ADRA1A: variants seen among roughly 807,000 people sequenced by gnomAD.
ADRA1A encodes the protein adrenoceptor alpha 1A.
ADRA1A carries 31 observed loss-of-function variants against 29.6 expected under a neutral mutation model. That is an observed-to-expected ratio of 1.05 (90% confidence interval 0.79 to 1.41). The LOEUF is 1.41. Ranked by LOEUF, ADRA1A falls within the 40% of genes most tolerant of loss-of-function variation. The pLI, the probability that ADRA1A is intolerant of heterozygous loss-of-function variation, is 0.00. For synonymous variants in ADRA1A, 311 were observed against 254.3 expected, an observed-to-expected ratio of 1.22 and a Z score of -2.12; for missense variants, 619 against 601.1, an observed-to-expected ratio of 1.03 and a Z score of -0.31.
At chr8:26,839,726 C>T (rs1297361288) in intron 2 of ADRA1A, among the ~76,000 whole-genome samples, 2 of 152,074 alleles carry the variant, frequency 1.3e-5, no homozygotes, top group African/African-American at 2.4e-5. Flanking sequence ...AGTAATTTGG[C>T]GGAAGGAGGC....
chr8:26,807,526 G>A (rs1809082459), intron 2 of ADRA1A, among the ~76,000 whole-genome samples: 1 of 152,122 alleles, frequency 6.6e-6, no homozygotes, highest in South Asian at 2.1e-4. Flanking sequence ...TGTTAATTTT[G>A]GTATCTGTCT....
At chr8:26,857,139 C>G (rs1813107802) in intron 2 of ADRA1A, among the ~76,000 whole-genome samples, 1 of 152,150 alleles carries the variant, frequency 6.6e-6, no homozygotes, top group Non-Finnish European at 1.5e-5. Flanking sequence ...TCAAAGGCCT[C>G]ACAGTTTCTG....
downstream of ADRA1A, among the ~76,000 whole-genome samples, chr8:26,766,453 CAG>C (rs1156942523): frequency 1.3e-5 from 2 of 152,192 alleles, no homozygotes; most frequent in Non-Finnish European, 2.9e-5. Flanking sequence ...AAATGTGATG[CAG>C]TCTGATAGAA....
At position 26,867,067 on chromosome 8, in the gene ADRA1A, C is replaced by T. The variant is rs764082150; in HGVS notation, c.-818G>A. The T allele has an allele frequency of 3.8e-4, 375 of 985,320 alleles. No individual in the cohort carries two copies. Among genetic ancestry groups the T allele is most frequent in the Non-Finnish European group, 4.4e-4 (364 of 829,974 alleles). The allele number at this position is 985,320 out of a possible 1,614,324, so 61.0% of individuals were successfully genotyped here. A position where few individuals can be genotyped will look rare whatever the true frequency, so the allele number is the denominator to read the frequency against. The stretch of plus-strand genomic sequence containing the variant: ...TGTCTCCGAGGCACCAAATCCTTGT[C>T]CTTTTGCACCCGCTGACTCACCCCT... On this transcript the variant is annotated 5_prime_UTR_variant, in exon 1 of 3. Transcript: ENST00000380573.
In ADRA1A at chr8:26,862,120, C is replaced by T. The variant is rs72609967; in HGVS notation, c.883+1967G>A. Among the ~76,000 whole-genome samples, 1,792 of 152,352 alleles carry T rather than the reference C, an allele frequency of 0.012. 84 individuals are homozygous for T. The East Asian group carries it at 0.15, about 12-fold the overall frequency. On this transcript the variant is annotated intron_variant, in intron 2 of 2. Transcript: ENST00000380573. ...CTTTGGTGTTGTCTATCTCTCCAAT[C>T]TCTTCTTGAACTTGACTGCCCCCTC... is the stretch of plus-strand genomic sequence containing the variant.
chr8:26,755,086 A>G (rs757193008), downstream of ADRA1A, among the ~76,000 whole-genome samples: 2 of 152,174 alleles, frequency 1.3e-5, no homozygotes, highest in Non-Finnish European at 2.9e-5. Context: ...ATTGCTTTGT[A>G]TATGATTTGC....
intron 2 of ADRA1A, among the ~76,000 whole-genome samples, chr8:26,833,270 C>T (rs936321754): frequency 2.6e-5 from 4 of 152,132 alleles, no homozygotes; most frequent in African/African-American, 7.2e-5. Flanking sequence ...CCCTTGACCT[C>T]GCCACATGGA....
Position 26,784,112 on chromosome 8 carries a change from C to A in ADRA1A, c.884-13446G>T, listed in dbSNP as rs191360408. Among the ~76,000 whole-genome samples, 320 of 152,312 alleles carry A rather than the reference C, an allele frequency of 2.1e-3. 1 individual carries two copies. Among genetic ancestry groups the A allele is most frequent in the African/African-American group, 7.3e-3 (305 of 41,568 alleles). The stretch of plus-strand genomic sequence containing the variant: ...GTGATGGGTTGATCTGTGCAGCAAA[C>A]CACCATGGCACAAGTTTACCTATGT... On this transcript the variant is annotated intron_variant, in intron 2 of 2. Coordinates refer to ENST00000380573, the MANE Select transcript of ADRA1A (RefSeq NM_000680.4).
intron 2 of ADRA1A, among the ~76,000 whole-genome samples, chr8:26,793,836 T>A (rs963633601): frequency 6.6e-6 from 1 of 152,036 alleles, no homozygotes; most frequent in Non-Finnish European, 1.5e-5. Context: ...ATCCAAATAA[T>A]TTATATTCAT....
rs1440485943 is a variant in ADRA1A, at chr8:26,864,986, G to C, written c.-17C>G. 7 of 1,577,686 alleles carry C rather than the reference G, an allele frequency of 4.4e-6. No homozygotes were observed. Among genetic ancestry groups the C allele is most frequent in the Non-Finnish European group, 6.0e-6 (7 of 1,165,878 alleles). On this transcript the variant is annotated 5_prime_UTR_variant, in exon 2 of 3. Transcript: ENST00000380573. This position sits in a 1 kb window ranked among gnomAD's most constrained non-coding sequence, Gnocchi z 8.1. Reference sequence around the variant, plus strand: ...AAACACCATGGTCCCAGCCGGGGCCGGGCGAGGTCCGGCTGTCCAGGGCCA... The same window carrying C: ...AAACACCATGGTCCCAGCCGGGGCCCGGCGAGGTCCGGCTGTCCAGGGCCA...
chr8:26,864,422 C>T lies in ADRA1A; in HGVS notation c.548G>A (p.Gly183Asp), dbSNP rs1403821912. Residue 183 changes from glycine (G) to aspartate (D), a missense_variant, in exon 2 of 3, where the codon GGC becomes GAC. Gly to Asp is a moderately conservative substitution (Grantham distance 94). Coordinates refer to ENST00000380573, the MANE Select transcript of ADRA1A (RefSeq NM_000680.4). This position sits in a 1 kb window ranked among gnomAD's most constrained non-coding sequence, Gnocchi z 8.1. ...ETICQINEEP[G>D]YVLFSALGSF... is the part of the protein sequence containing the mutation. ...GCCCAGCGCTGAGAAGAGCACGTAGCCCGGCTCCTCGTTGATCTGGCAGAT... is the reference window on the plus strand; with the variant it reads ...GCCCAGCGCTGAGAAGAGCACGTAGTCCGGCTCCTCGTTGATCTGGCAGAT... The T allele has an allele frequency of 6.2e-7, 1 of 1,613,484 alleles. No individual in the cohort carries two copies. The highest frequency in any genetic ancestry group is 8.5e-7 in the Non-Finnish European group (1 of 1,180,030).
chr8:26,832,599 C>T (rs759685395), intron 2 of ADRA1A, among the ~76,000 whole-genome samples: 3 of 151,932 alleles, frequency 2.0e-5, no homozygotes, highest in African/African-American at 4.8e-5. Context: ...AGGGGTTAGT[C>T]GCTCCCAACA....
intron 2 of ADRA1A, among the ~76,000 whole-genome samples, chr8:26,772,362 C>T (rs917739731): frequency 1.3e-5 from 2 of 152,182 alleles, no homozygotes; most frequent in Admixed American, 6.5e-5. Flanking sequence ...TCACTCCTTT[C>T]AGAGAAATTG....
Position 26,864,868 on chromosome 8 carries a change from C to G in ADRA1A, c.102G>C (p.Gly34=). Residue 34 remains glycine, a synonymous_variant, in exon 2 of 3, where the codon GGG becomes GGC. Transcript: ENST00000380573. The surrounding 1 kb of genome is among the most constrained non-coding windows in gnomAD (Gnocchi z 8.1). The part of the protein sequence containing the change: ...SKAILLGVIL[G]GLILFGVLGN... ...CCAGCACCCCGAAAAGAATGAGGCC[C>G]CCCAAGATCACCCCGAGCAGAATGG... 2 of 1,614,044 alleles carry G rather than the reference C, an allele frequency of 1.2e-6. No homozygotes were observed. The highest frequency in any genetic ancestry group is 1.7e-6 in the Non-Finnish European group (2 of 1,180,018).
rs888650820 is a variant in ADRA1A at position 26,775,517 on chromosome 8, A to G, written c.884-4851T>C. Among the ~76,000 whole-genome samples, 5 of 152,070 alleles carry G rather than the reference A, an allele frequency of 3.3e-5. No individual in the cohort carries two copies. Among genetic ancestry groups the G allele is most frequent in the African/African-American group, 1.2e-4 (5 of 41,410 alleles). ...CACCCACATGAGAATAGGGGCTCCT[A>G]CTTCTTTGGTCACCGTAGCTATGGT... On this transcript the variant is annotated intron_variant, in intron 2 of 2. Coordinates refer to ENST00000380573, the MANE Select transcript of ADRA1A (RefSeq NM_000680.4). This position sits in a 1 kb window ranked among gnomAD's most constrained non-coding sequence, Gnocchi z 4.1.
In ADRA1A at chr8:26,864,477, A is replaced by C. The variant is rs1813730823; in HGVS notation, c.493T>G (p.Trp165Gly). Residue 165 changes from tryptophan to glycine, a missense_variant, in exon 2 of 3, where the codon TGG becomes GGG. Transcript: ENST00000380573. This position sits in a 1 kb window ranked among gnomAD's most constrained non-coding sequence, Gnocchi z 8.1. Reference sequence around the variant, plus strand: ...TCGTCCTCGGGGGCCGGCTGCCTCCAGCCGAACAGGGGTCCAATGGATATG... The same window carrying C: ...TCGTCCTCGGGGGCCGGCTGCCTCCCGCCGAACAGGGGTCCAATGGATATG... ...LVISIGPLFG[W>G]RQPAPEDETI... is the part of the protein sequence containing the mutation. 6.2e-7 allele frequency: 1 copy of C among 1,613,776 alleles called. No homozygotes were observed. Among genetic ancestry groups the C allele is most frequent in the African/African-American group, 1.3e-5 (1 of 75,058 alleles).
In ADRA1A at chr8:26,806,456, T is replaced by C. The variant is rs868480032; in HGVS notation, c.884-35790A>G. On this transcript the variant is annotated intron_variant, in intron 2 of 2. Transcript: ENST00000380573. This position sits in a 1 kb window ranked among gnomAD's most constrained non-coding sequence, Gnocchi z 4.6. ...AAGTTTTCTGTGGCCTCTGGCTCAG[T>C]TGAAATGGAATGTAAGTGCAATGCC... is the stretch of plus-strand genomic sequence containing the variant. Among the ~76,000 whole-genome samples the C allele has an allele frequency of 2.0e-5, 3 of 151,758 alleles. No individual in the cohort carries two copies. The highest frequency in any genetic ancestry group is 7.3e-5 in the African/African-American group (3 of 41,268).
rs899908658 is a variant in ADRA1A, at chr8:26,841,218, A to G, written c.883+22869T>C. On this transcript the variant is annotated intron_variant, in intron 2 of 2. Transcript: ENST00000380573. This position sits in a 1 kb window ranked among gnomAD's most constrained non-coding sequence, Gnocchi z 4.4. ...TGAAATCCAAATGGAAAGCAATCAC[A>G]AAAAGAATCCAGTGGAAGGGAAGTG... Among the ~76,000 whole-genome samples the G allele has an allele frequency of 2.6e-5, 4 of 152,202 alleles. No homozygotes were observed. Among genetic ancestry groups the G allele is most frequent in the African/African-American group, 9.6e-5 (4 of 41,456 alleles).
rs777474419 is a variant in ADRA1A, at chr8:26,770,608, G to A, written c.942C>T (p.Leu314=). The change falls in exon 3 of 3, where the codon CTC becomes CTT. Residue 314 remains leucine, a synonymous_variant. Transcript: ENST00000380573. Reference sequence around the variant, plus strand: ...GGTTGATGCAGCTGTTTAGATATCCGAGCCAAAATACTATTTTAAAAACTG... The same window carrying A: ...GGTTGATGCAGCTGTTTAGATATCCAAGCCAAAATACTATTTTAAAAACTG... The part of the protein sequence containing the change: ...SETVFKIVFW[L]GYLNSCINPI... 65 of 1,613,994 alleles carry A rather than the reference G, an allele frequency of 4.0e-5. No homozygotes were observed. Among genetic ancestry groups the A allele is most frequent in the African/African-American group, 6.7e-5 (5 of 74,916 alleles).
Sources: gnomAD v4.1 joint callset for allele counts (sites outside exome capture counted in the v4.1 genomes callset) on GRCh38, gnomAD v4.1.1 for gene constraint, Gnocchi (gnomAD v3.1) non-coding constraint, MANE v1.5 for transcripts, NCBI Gene and HGNC (gene_info 2026-07-23, HGNC 2026-07-21) for gene names.